KCNH5: variants seen among roughly 807,000 people sequenced by gnomAD.
The protein encoded by KCNH5 is potassium voltage-gated channel subfamily H member 5.
A neutral mutation model predicts 96.1 loss-of-function variants in KCNH5; 46 were observed. That is an observed-to-expected ratio of 0.48 (90% CI 0.38 to 0.61). The LOEUF (loss-of-function observed/expected upper bound fraction) is 0.61, where lower values mean the gene tolerates loss of function less well. Ranked by LOEUF, KCNH5 falls within the 20% of genes least tolerant of loss-of-function variation. KCNH5 has a pLI of 0.00. For synonymous variants in KCNH5, 439 were observed against 449.8 expected, an observed-to-expected ratio of 0.98 and a Z score of 0.30; for missense variants, 907 against 1,225.8, an observed-to-expected ratio of 0.74 and a Z score of 3.88.
At chr14:62,946,076 G>C (rs1475700122) in intron 7 of KCNH5, among the ~76,000 whole-genome samples, 1 of 152,008 alleles carries the variant, frequency 6.6e-6, no homozygotes, top group Non-Finnish European at 1.5e-5. Context: ...AAATTAGGAA[G>C]ATATAGGAGG....
rs1889986298 is a variant in KCNH5, at chr14:62,950,634, T to C, written c.943-75A>G. 11 of 1,206,256 alleles carry C rather than the reference T, an allele frequency of 9.1e-6. No homozygotes were observed. In the South Asian group the frequency reaches 1.5e-4, roughly 16 times the overall value. 74.7% of individuals were successfully genotyped at this position (1,206,256 alleles called of 1,614,324 possible). On this transcript the variant is annotated intron_variant, in intron 6 of 10. Transcript: ENST00000322893. Reference sequence around the variant, plus strand: ...AAGGCTGGGGAAACAATACAATGGCTCACCTTCATAAATTTAACCATCCAA... The same window carrying C: ...AAGGCTGGGGAAACAATACAATGGCCCACCTTCATAAATTTAACCATCCAA...
In KCNH5 at chr14:63,024,089, G is replaced by T. The variant is rs190680310; in HGVS notation, c.74-7135C>A. On this transcript the variant is annotated intron_variant, in intron 1 of 10. Coordinates refer to ENST00000322893, the MANE Select transcript of KCNH5 (RefSeq NM_139318.5). ...CTGGGCATGGTGGCACACGCCTGTA[G>T]TTGCAGCTACTCAGGAGGCTGCGGC... Among the ~76,000 whole-genome samples the T allele has an allele frequency of 1.3e-3, 196 of 152,052 alleles. 1 individual carries two copies. Among genetic ancestry groups the T allele is most frequent in the African/African-American group, 4.7e-3 (193 of 41,484 alleles).
At position 62,757,130 on chromosome 14, in the gene KCNH5, C is replaced by T. The variant is rs146797339; in HGVS notation, c.2019+22598G>A. Among the ~76,000 whole-genome samples, 5 of 152,180 alleles carry T rather than the reference C, an allele frequency of 3.3e-5. No homozygotes were observed. In the East Asian group the frequency reaches 9.7e-4, roughly 29 times the overall value. ...TAATAATTTGATTTAAAAAAATGGGCAAAAGATCTGAGTAGACATTTCTCA... is the reference window on the plus strand; with the variant it reads ...TAATAATTTGATTTAAAAAAATGGGTAAAAGATCTGAGTAGACATTTCTCA... On this transcript the variant is annotated intron_variant, in intron 10 of 10. Coordinates refer to ENST00000322893, the MANE Select transcript of KCNH5 (RefSeq NM_139318.5).
rs150399213 is a variant in KCNH5, at chr14:63,025,250, C to T, written c.74-8296G>A. Among the ~76,000 whole-genome samples, 334 of 151,958 alleles carry T rather than the reference C, an allele frequency of 2.2e-3. 2 individuals carry two copies. The highest frequency in any genetic ancestry group is 7.8e-3 in the African/African-American group (322 of 41,514). ...TAATGTACCTCAACACAATAAAGGC[C>T]ATAACAAGCTCTAACATCATACTCA... On this transcript the variant is annotated intron_variant, in intron 1 of 10. Coordinates refer to ENST00000322893, the MANE Select transcript of KCNH5 (RefSeq NM_139318.5).
chr14:62,958,598 C>T (rs979936144), intron 6 of KCNH5, among the ~76,000 whole-genome samples: 4 of 152,104 alleles, frequency 2.6e-5, no homozygotes, highest in Non-Finnish European at 5.9e-5. Flanking sequence ...TAGTCCTTTC[C>T]CCAATGTATT....
At chr14:63,020,539 A>C (rs1212042112) in intron 1 of KCNH5, among the ~76,000 whole-genome samples, 2 of 152,178 alleles carry the variant, frequency 1.3e-5, no homozygotes, top group Admixed American at 6.6e-5. Context: ...AACAGCCACT[A>C]AAGTAGGTAT....
intron 6 of KCNH5, among the ~76,000 whole-genome samples, chr14:62,975,458 G>A (rs1890482844): frequency 6.6e-6 from 1 of 151,740 alleles, no homozygotes; most frequent in Admixed American, 6.6e-5. Context: ...ATCTAAATAA[G>A]AATTGACAAT....
At chr14:62,917,357 T>G (rs1889295733) in intron 7 of KCNH5, among the ~76,000 whole-genome samples, 1 of 150,388 alleles carries the variant, frequency 6.6e-6, no homozygotes, top group African/African-American at 2.4e-5. Context: ...TTGTTAGGTT[T>G]TTTTTTTTTT....
At chr14:62,715,661 C>T (rs1377981188) in intron 10 of KCNH5, among the ~76,000 whole-genome samples, 3 of 152,118 alleles carry the variant, frequency 2.0e-5, no homozygotes, top group African/African-American at 4.8e-5. Context: ...TTGTTTACTT[C>T]AGCCACTCAT....
At chr14:62,850,985 C>G (rs949987465) in intron 7 of KCNH5, among the ~76,000 whole-genome samples, 4 of 152,110 alleles carry the variant, frequency 2.6e-5, no homozygotes, top group Non-Finnish European at 5.9e-5. Flanking sequence ...AGCCAAATCC[C>G]ATTTGATGGA....
intron 9 of KCNH5, 89 bp downstream of exon 9, chr14:62,802,240 A>C: frequency 7.3e-7 from 1 of 1,372,548 alleles, no homozygotes; most frequent in Admixed American, 2.1e-5. Flanking sequence ...GTTACCAAAC[A>C]AAGGAAATTT....
intron 10 of KCNH5, among the ~76,000 whole-genome samples, chr14:62,754,830 G>A (rs970905874): frequency 6.6e-6 from 1 of 151,820 alleles, no homozygotes; most frequent in African/African-American, 2.4e-5. Flanking sequence ...AGCTGAAATT[G>A]CTCCACTGCG....
chr14:63,039,875 T>C (rs768461532), intron 1 of KCNH5, among the ~76,000 whole-genome samples: 15 of 151,758 alleles, frequency 9.9e-5, no homozygotes, highest in Admixed American at 1.3e-4. Context: ...CCAGTCAAAT[T>C]TGGGGGGTGG....
At chr14:62,781,285 A>T (rs1344708822) in intron 9 of KCNH5, among the ~76,000 whole-genome samples, 1 of 152,222 alleles carries the variant, frequency 6.6e-6, no homozygotes, top group South Asian at 2.1e-4. Context: ...ACAAGGTAAT[A>T]GAATATCACA....
At chr14:62,748,381 G>A (rs1885423743) in intron 10 of KCNH5, among the ~76,000 whole-genome samples, 1 of 152,096 alleles carries the variant, frequency 6.6e-6, no homozygotes, top group South Asian at 2.1e-4. Context: ...CGGGATATCT[G>A]GACACTCCCA....
chr14:62,709,181 G>C (rs888223006), intron 10 of KCNH5, among the ~76,000 whole-genome samples: 26 of 141,018 alleles, frequency 1.8e-4, no homozygotes, highest in Non-Finnish European at 2.7e-4. Flanking sequence ...TGCAGTGAGC[G>C]GAGATCGCGC....
intron 7 of KCNH5, among the ~76,000 whole-genome samples, chr14:62,899,218 T>C (rs1173664320): frequency 6.6e-6 from 1 of 152,120 alleles, no homozygotes; most frequent in Non-Finnish European, 1.5e-5. Flanking sequence ...ATTTGTATAA[T>C]AACTTACTTT....
chr14:62,872,825 A>G (rs1888283688), intron 7 of KCNH5, among the ~76,000 whole-genome samples: 1 of 152,180 alleles, frequency 6.6e-6, no homozygotes. Context: ...TGACAAATAG[A>G]TGAGGACCTT....
intron 10 of KCNH5, among the ~76,000 whole-genome samples, chr14:62,724,876 AAG>A (rs1884890601): frequency 6.6e-6 from 1 of 152,216 alleles, no homozygotes; most frequent in African/African-American, 2.4e-5. Context: ...TGAAACAAAA[AAG>A]AGCCTGTTTA....
Sources: allele counts gnomAD v4.1 joint callset (sites outside exome capture counted in the v4.1 genomes callset), GRCh38; gene constraint gnomAD v4.1.1; transcripts MANE v1.5; gene names NCBI Gene and HGNC (gene_info 2026-07-23, HGNC 2026-07-21).